Variants in STOM observed in about 807,000 individuals in gnomAD.
STOM encodes stomatin.
Under a neutral mutation model 30.6 loss-of-function variants are expected in STOM, and 25 were observed. The observed-to-expected ratio is 0.82, with a 90% confidence interval of 0.60 to 1.14. STOM has a LOEUF of 1.14. STOM is among the 50% of genes most tolerant of loss of function. STOM has a pLI of 0.00. For synonymous variants in STOM, 118 were observed against 130.8 expected, an observed-to-expected ratio of 0.90 and a Z score of 0.67; for missense variants, 292 against 365.2, an observed-to-expected ratio of 0.80 and a Z score of 1.63.
At chr9:121,354,935 C>T (rs2064371063) in intron 2 of STOM, among the ~76,000 whole-genome samples, 1 of 151,902 alleles carries the variant, frequency 6.6e-6, no homozygotes. Context: ...AATCCATAAC[C>T]TCACTCCTCA....
chr9:121,360,915 G>C (rs1456833075), intron 1 of STOM, among the ~76,000 whole-genome samples: 3 of 152,144 alleles, frequency 2.0e-5, no homozygotes, highest in African/African-American at 7.2e-5. Context: ...TCAAATGCTT[G>C]GCTAGAAATA....
intron 1 of STOM, 85 bp downstream of exon 1, chr9:121,370,042 C>T: frequency 1.5e-6 from 2 of 1,314,820 alleles, no homozygotes; most frequent in Non-Finnish European, 1.0e-6. Flanking sequence ...GGAGACTGGC[C>T]AGGAGCCCGG....
chr9:121,341,540 G>T lies in STOM; in HGVS notation c.661-132C>A, dbSNP rs948952800. The T allele has an allele frequency of 3.6e-5, 43 of 1,185,132 alleles. No individual in the cohort carries two copies. In the Middle Eastern group the frequency reaches 8.6e-4, roughly 24 times the overall value. 73.4% of individuals were successfully genotyped at this position (1,185,132 alleles called of 1,614,324 possible). A position where few individuals can be genotyped will look rare whatever the true frequency, so the allele number is the denominator to read the frequency against. ...AGGGCGTATGCCAGAGTAGTTTTAA[G>T]AAAATCAATTTCTACATACTCAGTT... On this transcript the variant is annotated intron_variant, in intron 6 of 6. Transcript: ENST00000286713.
rs1217326094 is a variant in STOM at position 121,348,157 on chromosome 9, G to C, written c.526-8C>G. On this transcript the variant is annotated splice_polypyrimidine_tract_variant and splice_region_variant and intron_variant, in intron 5 of 6. Coordinates refer to ENST00000286713, the MANE Select transcript of STOM (RefSeq NM_004099.6). ...GGCATCATCCAGAGTAGACTGTTAG[G>C]AAGAGAGAAGGCAAGCTAAATCTCC... The C allele has an allele frequency of 6.2e-7, 1 of 1,613,972 alleles. No homozygotes were observed. Among genetic ancestry groups the C allele is most frequent in the Non-Finnish European group, 8.5e-7 (1 of 1,179,996 alleles).
At chr9:121,368,006 GA>G (rs1415443012) in intron 1 of STOM, among the ~76,000 whole-genome samples, 1 of 152,130 alleles carries the variant, frequency 6.6e-6, no homozygotes, top group Non-Finnish European at 1.5e-5. Flanking sequence ...TTTCCTTGTA[GA>G]GCTGTTACAG....
intron 4 of STOM, among the ~76,000 whole-genome samples, chr9:121,352,073 A>G (rs1421454964): frequency 6.6e-6 from 1 of 152,206 alleles, no homozygotes; most frequent in Non-Finnish European, 1.5e-5. Context: ...ATGTTTTGTA[A>G]TAATCATTCC....
At chr9:121,344,627 C>T (rs1194019969) in intron 6 of STOM, among the ~76,000 whole-genome samples, 1 of 152,170 alleles carries the variant, frequency 6.6e-6, no homozygotes, top group Admixed American at 6.5e-5. Context: ...TCATAGCAAT[C>T]AACATTTCAT....
chr9:121,353,238 A>G lies in STOM; in HGVS notation c.303T>C (p.Phe101=). ...FIKVDMRTIS[F]DIPPQEILTK... is the part of the protein sequence containing the mutation. The stretch of plus-strand genomic sequence containing the variant: ...ACCTTACCTCCTGAGGAGGAATATC[A>G]AATGAAATAGTTCTCATGTCCACTT... Residue 101 remains phenylalanine, a synonymous_variant, in exon 4 of 7, where the codon TTT becomes TTC. Transcript: ENST00000286713. 1.9e-6 allele frequency: 3 copies of G among 1,610,190 alleles called. No homozygotes were observed. The highest frequency in any genetic ancestry group is 2.5e-6 in the Non-Finnish European group (3 of 1,178,296).
chr9:121,352,426 C>T (rs898258707), intron 4 of STOM, among the ~76,000 whole-genome samples: 1 of 152,130 alleles, frequency 6.6e-6, no homozygotes, highest in Non-Finnish European at 1.5e-5. Context: ...CAATACAATA[C>T]CTACACATCA....
Position 121,340,011 on chromosome 9 carries a change from G to A in STOM, c.*1191C>T. The A allele has an allele frequency of 1.0e-6, 1 of 988,982 alleles. No homozygotes were observed. Among genetic ancestry groups the A allele is most frequent in the Non-Finnish European group, 1.2e-6 (1 of 831,960 alleles). 61.3% of individuals were successfully genotyped at this position (988,982 alleles called of 1,614,324 possible). A position where few individuals can be genotyped will look rare whatever the true frequency, so the allele number is the denominator to read the frequency against. ...TAGTAAAATATAATGGTTTCCTGAA[G>A]TTATCTCTTAAAAAAGTATTTTAGT... On this transcript the variant is annotated 3_prime_UTR_variant, in exon 7 of 7. Coordinates refer to ENST00000286713, the MANE Select transcript of STOM (RefSeq NM_004099.6).
intron 1 of STOM, among the ~76,000 whole-genome samples, chr9:121,358,073 G>A (rs1054998121): frequency 2.6e-5 from 4 of 151,962 alleles, no homozygotes; most frequent in Non-Finnish European, 4.4e-5. Context: ...GGCTGAGGAG[G>A]GAGGATCCCT....
Position 121,339,829 on chromosome 9 carries a change from A to G in STOM, c.*1373T>C. Reference sequence around the variant, plus strand: ...TAGAAGAATGACTAGGTAAATTTAAAAAGACCTACATCTATATAGATATTG... The same window carrying G: ...TAGAAGAATGACTAGGTAAATTTAAGAAGACCTACATCTATATAGATATTG... On this transcript the variant is annotated 3_prime_UTR_variant, in exon 7 of 7. Coordinates refer to ENST00000286713, the MANE Select transcript of STOM (RefSeq NM_004099.6). 3.3e-6 allele frequency: 4 copies of G among 1,196,626 alleles called. No individual in the cohort carries two copies. Among genetic ancestry groups the G allele is most frequent in the Non-Finnish European group, 4.1e-6 (4 of 966,444 alleles). The allele number at this position is 1,196,626 out of a possible 1,614,324, so 74.1% of individuals were successfully genotyped here.
chr9:121,355,923 G>T, intron 2 of STOM, 130 bp downstream of exon 2: 1 of 615,816 alleles, frequency 1.6e-6, no homozygotes, highest in Non-Finnish European at 2.6e-6. Context: ...TCCAAAGAAA[G>T]ATGAAGAAAT....
At chr9:121,355,251 T>A (rs2416831) in intron 2 of STOM, among the ~76,000 whole-genome samples, 52,420 of 103,048 alleles carry the variant, frequency 0.51, 13,167 homozygotes, top group East Asian at 0.76. Context: ...AAAAAAAAAA[T>A]AATAATAATA....
At chr9:121,348,340 G>A (rs1390657955) in intron 5 of STOM, among the ~76,000 whole-genome samples, 191 bp from the exon 6 acceptor site, 1 of 152,232 alleles carries the variant, frequency 6.6e-6, no homozygotes, top group Non-Finnish European at 1.5e-5. Flanking sequence ...ACAAGCTAAT[G>A]CAGGGGTTAG....
chr9:121,357,441 T>TATATATATATATATATATATATATA (rs1564631312), intron 1 of STOM, among the ~76,000 whole-genome samples: 913 of 72,868 alleles, frequency 0.013, 27 homozygotes, highest in Middle Eastern at 0.035. Flanking sequence ...ATATATATAT[T>TATATATATATATATATATATATATA]TATTTATTTA....
chr9:121,363,774 A>T (rs540257993), intron 1 of STOM, among the ~76,000 whole-genome samples: 26 of 152,324 alleles, frequency 1.7e-4, no homozygotes, highest in African/African-American at 6.3e-4. Flanking sequence ...TATTTATTTG[A>T]GGAGGAAGAC....
chr9:121,364,740 T>C (rs539011196), intron 1 of STOM, among the ~76,000 whole-genome samples: 1 of 152,182 alleles, frequency 6.6e-6, no homozygotes, highest in East Asian at 1.9e-4. Flanking sequence ...AGGAAAAAAA[T>C]AGGTGAGAGC....
intron 4 of STOM, among the ~76,000 whole-genome samples, chr9:121,352,415 CCAATA>C (rs1464223888): frequency 6.6e-6 from 1 of 152,148 alleles, no homozygotes; most frequent in Admixed American, 6.5e-5. Context: ...CTTCTATTAT[CCAATA>C]CAATACCTAC....
Sources: allele counts gnomAD v4.1 joint callset (sites outside exome capture counted in the v4.1 genomes callset), GRCh38; gene constraint gnomAD v4.1.1; transcripts MANE v1.5; gene names NCBI Gene and HGNC (gene_info 2026-07-23, HGNC 2026-07-21).